The following RFX7 variants were observed in gnomAD, a reference collection of about 807,000 sequenced individuals.
RFX7 encodes DNA-binding protein RFX7.
RFX7 carries 26 observed loss-of-function variants against 111.8 expected under a neutral mutation model. That is an observed-to-expected ratio of 0.23 (90% CI 0.17 to 0.32). The LOEUF is 0.32. RFX7 is among the 10% of genes least tolerant of loss of function. The pLI, the probability that RFX7 is intolerant of heterozygous loss-of-function variation, is 1.00. For missense variants in RFX7, 1,573 were observed against 1,772.9 expected (o/e 0.89, Z 2.02); for synonymous variants, 624 against 624.4 (o/e 1.00, Z 0.01).
intron 2 of RFX7, among the ~76,000 whole-genome samples, chr15:56,218,137 T>A: frequency 6.9e-6 from 1 of 145,362 alleles, no homozygotes; most frequent in Non-Finnish European, 1.5e-5. Flanking sequence ...AATTTAGAAA[T>A]GATTTTCTTT....
Position 56,102,734 on chromosome 15 carries a change from A to G in RFX7, c.519-481T>C, listed in dbSNP as rs543292260. Among the ~76,000 whole-genome samples the G allele has an allele frequency of 2.0e-5, 3 of 152,258 alleles. No individual in the cohort carries two copies. In the East Asian group the frequency reaches 5.8e-4, roughly 29 times the overall value. ...TAACATGCCAAAGACACATCAAAAC[A>G]TTTTTGTTTGCATTTGGGAAGCAAG... On this transcript the variant is annotated intron_variant, in intron 6 of 9. Transcript: ENST00000559447.
chr15:56,235,227 G>C (rs1467149079), intron 2 of RFX7, among the ~76,000 whole-genome samples: 1 of 151,688 alleles, frequency 6.6e-6, no homozygotes, highest in African/African-American at 2.4e-5. Flanking sequence ...AGGCCGGAGT[G>C]CAGTGGCGTG....
chr15:56,205,523 C>T (rs2043241146), intron 2 of RFX7, among the ~76,000 whole-genome samples: 1 of 152,184 alleles, frequency 6.6e-6, no homozygotes, highest in African/African-American at 2.4e-5. Flanking sequence ...ATTATGTTGA[C>T]ACAAGTTTGA....
intron 2 of RFX7, among the ~76,000 whole-genome samples, chr15:56,206,400 G>A (rs1370301813): frequency 1.3e-5 from 2 of 152,108 alleles, no homozygotes; most frequent in Non-Finnish European, 2.9e-5. Context: ...CACTGTTAGG[G>A]GGACACAGTG....
chr15:56,178,203 A>ACACACACACG (rs1555423779), intron 3 of RFX7, among the ~76,000 whole-genome samples: 3 of 148,788 alleles, frequency 2.0e-5, no homozygotes, highest in African/African-American at 5.1e-5. Context: ...ACACACACAC[A>ACACACACACG]CACACACAAC....
intron 2 of RFX7, among the ~76,000 whole-genome samples, chr15:56,180,063 C>T (rs147544688): frequency 7.6e-4 from 115 of 152,132 alleles, no homozygotes; most frequent in African/African-American, 2.6e-3. Flanking sequence ...GCAAAGAAAT[C>T]GTGCAAAATG....
chr15:56,200,134 C>T (rs2043179908), intron 2 of RFX7, among the ~76,000 whole-genome samples: 1 of 152,020 alleles, frequency 6.6e-6, no homozygotes, highest in African/African-American at 2.4e-5. Flanking sequence ...AGGTCAGTGC[C>T]CTCTAGTGCT....
chr15:56,226,590 A>G (rs1163811699), intron 2 of RFX7, among the ~76,000 whole-genome samples: 1 of 152,170 alleles, frequency 6.6e-6, no homozygotes, highest in African/African-American at 2.4e-5. Flanking sequence ...GAAAAAGAAC[A>G]AAGTGATAAA....
intron 5 of RFX7, among the ~76,000 whole-genome samples, chr15:56,119,648 G>A (rs112719650): frequency 5.9e-5 from 9 of 151,872 alleles, no homozygotes; most frequent in Admixed American, 2.6e-4. Context: ...ATGGTGGTGC[G>A]TGCCTATAGT....
At chr15:56,161,749 G>A (rs537251592) in intron 3 of RFX7, among the ~76,000 whole-genome samples, 2 of 152,152 alleles carry the variant, frequency 1.3e-5, no homozygotes, top group African/African-American at 4.8e-5. Flanking sequence ...CTTCATAAGT[G>A]CCAAAGTAAG....
rs376605509 is a variant in RFX7 at position 56,158,174 on chromosome 15, A to T, written c.196-13691T>A. Among the ~76,000 whole-genome samples the T allele has an allele frequency of 9.8e-5, 15 of 152,336 alleles. No homozygotes were observed. The South Asian group carries it at 2.9e-3, about 29-fold the overall frequency. On this transcript the variant is annotated intron_variant, in intron 3 of 9. Coordinates refer to ENST00000559447, the MANE Select transcript of RFX7 (RefSeq NM_022841.7). ...CTTGAAATTGATGTCTATATCAAGC[A>T]GTAAGCTATAGTGGGTAAGGTATAG...
chr15:56,242,922 T>G (rs2043720529), intron 2 of RFX7, among the ~76,000 whole-genome samples: 2 of 152,156 alleles, frequency 1.3e-5, no homozygotes, highest in Admixed American at 1.3e-4. Context: ...GTAAAAGCAT[T>G]TTTTAGCTAA....
At chr15:56,217,574 TAG>T (rs2043375784) in intron 2 of RFX7, among the ~76,000 whole-genome samples, 1 of 152,176 alleles carries the variant, frequency 6.6e-6, no homozygotes, top group Non-Finnish European at 1.5e-5. Flanking sequence ...AGACTTTATA[TAG>T]ACTTTATAGA....
In RFX7 at chr15:56,099,996, A is replaced by C. The variant is rs918483729; in HGVS notation, c.811+1363T>G. Among the ~76,000 whole-genome samples, 200 of 152,178 alleles carry C rather than the reference A, an allele frequency of 1.3e-3. 1 individual carries two copies. Among genetic ancestry groups the C allele is most frequent in the African/African-American group, 4.6e-3 (193 of 41,518 alleles). On this transcript the variant is annotated intron_variant, in intron 8 of 9. Transcript: ENST00000559447. ...TCCTAAATCCTTCATCTGTTGATGT[A>C]CTCTTTTAGGTGTTGGCAGGGGCAG...
chr15:56,186,545 T>C (rs2043040251), intron 2 of RFX7, among the ~76,000 whole-genome samples: 1 of 152,178 alleles, frequency 6.6e-6, no homozygotes, highest in Non-Finnish European at 1.5e-5. Flanking sequence ...GTGAAAATCC[T>C]GCCACAAGAG....
At chr15:56,170,548 A>G (rs2042834948) in intron 3 of RFX7, among the ~76,000 whole-genome samples, 2 of 152,072 alleles carry the variant, frequency 1.3e-5, no homozygotes, top group Admixed American at 1.3e-4. Context: ...TATATTGTCA[A>G]ATGTCCCCTA....
chr15:56,231,007 G>A (rs924005090), intron 2 of RFX7, among the ~76,000 whole-genome samples: 6 of 152,138 alleles, frequency 3.9e-5, no homozygotes, highest in African/African-American at 1.4e-4. Context: ...ATTAAATAGG[G>A]TTTGGAGACA....
intron 5 of RFX7, among the ~76,000 whole-genome samples, chr15:56,107,724 A>AT (rs2041850736): frequency 6.6e-6 from 1 of 152,230 alleles, no homozygotes; most frequent in Admixed American, 6.5e-5. Context: ...CAGATGAGGT[A>AT]TTTTTATTGC....
chr15:56,238,656 T>G (rs1273337345), intron 2 of RFX7, among the ~76,000 whole-genome samples: 1 of 152,106 alleles, frequency 6.6e-6, no homozygotes, highest in Non-Finnish European at 1.5e-5. Flanking sequence ...AAACAGTAAT[T>G]GATAACAAAT....
Sources: gnomAD v4.1 joint callset for allele counts (sites outside exome capture counted in the v4.1 genomes callset) on GRCh38, gnomAD v4.1.1 for gene constraint, MANE v1.5 for transcripts, NCBI Gene and HGNC (gene_info 2026-07-23, HGNC 2026-07-21) for gene names.